MAP4K4: variants seen among roughly 807,000 people sequenced by gnomAD.
MAP4K4 encodes HPK/GCK-like kinase HGK.
Under a neutral mutation model 189.6 loss-of-function variants are expected in MAP4K4, and 38 were observed. The ratio of observed to expected loss-of-function variants is 0.20; its 90% CI spans 0.15 to 0.26. MAP4K4 has a LOEUF of 0.26. MAP4K4 is among the 10% of genes least tolerant of loss of function. MAP4K4 has a pLI of 1.00. For missense variants in MAP4K4, 1,054 were observed against 1,726.9 expected (o/e 0.61, Z 6.91); for synonymous variants, 610 against 624.3 (o/e 0.98, Z 0.34).
At chr2:101,870,536 G>T (rs1217012907) in intron 23 of MAP4K4, 121 bp downstream of exon 23, 38 of 1,396,542 alleles carry the variant, frequency 2.7e-5, no homozygotes, top group Non-Finnish European at 3.6e-5. Flanking sequence ...ACAAGTCCCA[G>T]AGGGTCAAGT....
At chr2:101,868,597 C>T (rs1460565270) in intron 21 of MAP4K4, among the ~76,000 whole-genome samples, 1 of 152,126 alleles carries the variant, frequency 6.6e-6, no homozygotes, top group East Asian at 1.9e-4. Context: ...TGAACAAATT[C>T]CACTATTGAT....
intron 2 of MAP4K4, among the ~76,000 whole-genome samples, chr2:101,727,028 C>G (rs1367013888): frequency 1.3e-5 from 2 of 152,124 alleles, no homozygotes; most frequent in African/African-American, 4.8e-5. Flanking sequence ...CAGTCCCACT[C>G]CCATGATAAC....
chr2:101,813,195 A>T (rs966891023), intron 3 of MAP4K4, among the ~76,000 whole-genome samples: 39 of 152,212 alleles, frequency 2.6e-4, no homozygotes, highest in African/African-American at 8.4e-4. Flanking sequence ...AGGTTTATGT[A>T]ATGGAAACAC....
intron 26 of MAP4K4, among the ~76,000 whole-genome samples, chr2:101,875,913 G>C (rs2098189544): frequency 6.6e-6 from 1 of 152,208 alleles, no homozygotes; most frequent in Admixed American, 6.5e-5. Context: ...CATGACGTGA[G>C]TATTTTAGCA....
chr2:101,740,161 T>TCCCCTCAATCATCATAA (rs1353029035), intron 2 of MAP4K4, among the ~76,000 whole-genome samples: 1 of 115,044 alleles, frequency 8.7e-6, no homozygotes, highest in African/African-American at 6.6e-5. Context: ...CTTTTTTTTT[T>TCCCCTCAATCATCATAA]TTTTTTTTTT....
intron 2 of MAP4K4, among the ~76,000 whole-genome samples, chr2:101,703,507 A>G (rs2040216476): frequency 6.6e-6 from 1 of 150,684 alleles, no homozygotes; most frequent in African/African-American, 2.4e-5. Context: ...AATCCCAGCC[A>G]CTTGGGAGGC....
intron 2 of MAP4K4, among the ~76,000 whole-genome samples, chr2:101,751,179 A>G (rs1275532787): frequency 1.3e-5 from 2 of 152,230 alleles, no homozygotes; most frequent in Non-Finnish European, 2.9e-5. Flanking sequence ...TCAGTGTTCA[A>G]CAGTTGTACA....
At chr2:101,786,984 A>C (rs960837849) in intron 2 of MAP4K4, among the ~76,000 whole-genome samples, 4 of 152,244 alleles carry the variant, frequency 2.6e-5, no homozygotes, top group African/African-American at 9.6e-5. Flanking sequence ...TGGATGAGAT[A>C]CTGTGCCCAA....
exon 28 of MAP4K4, chr2:101,882,591 A>G (rs746482177): frequency 6.2e-7 from 1 of 1,607,628 alleles, no homozygotes; most frequent in Admixed American, 1.7e-5. Context: ...TGTCCTGGTT[A>G]AGAAATAAAA....
rs564161739 is a variant in MAP4K4 at position 101,760,503 on chromosome 2, A to T, written c.124-30217A>T. On this transcript the variant is annotated intron_variant, in intron 2 of 32. Transcript: ENST00000324219. ...ACTCCATCTCAAAAAAAAAAAACAA[A>T]ATATATATATATATATATATGTATA... Among the ~76,000 whole-genome samples the T allele has an allele frequency of 9.8e-4, 131 of 133,140 alleles. 1 individual carries two copies. The South Asian group carries it at 0.015, about 15-fold the overall frequency. 87.3% of individuals were successfully genotyped at this position (133,140 alleles called of 152,430 possible).
At chr2:101,801,175 C>T (rs1335404871) in intron 3 of MAP4K4, among the ~76,000 whole-genome samples, 1 of 152,122 alleles carries the variant, frequency 6.6e-6, no homozygotes, top group Non-Finnish European at 1.5e-5. Context: ...TTTATCTTGA[C>T]ACTTCCCATT....
chr2:101,776,720 G>T (rs61105235), intron 2 of MAP4K4, among the ~76,000 whole-genome samples: 2,076 of 152,050 alleles, frequency 0.014, 51 homozygotes, highest in African/African-American at 0.047. Flanking sequence ...AGAGCCAATT[G>T]CCTTAATCAG....
At chr2:101,753,414 A>G (rs1297461678) in intron 2 of MAP4K4, among the ~76,000 whole-genome samples, 2 of 152,244 alleles carry the variant, frequency 1.3e-5, no homozygotes, top group Admixed American at 1.3e-4. Context: ...GAACATAAAC[A>G]TTCTCATTGT....
rs572308732 is a variant in MAP4K4 at position 101,795,323 on chromosome 2, G to A, written c.180+4547G>A. ...TATTATTGCAAAATGATGATTTTAC[G>A]TTCTTCCTTTTGTATTTATTAGTCA... On this transcript the variant is annotated intron_variant, in intron 3 of 32. Coordinates refer to ENST00000324219, the Ensembl canonical transcript of MAP4K4. Among the ~76,000 whole-genome samples the A allele has an allele frequency of 1.5e-4, 23 of 152,228 alleles. No homozygotes were observed. The South Asian group carries it at 4.4e-3, about 29-fold the overall frequency.
rs149283961 is a variant in MAP4K4 at position 101,729,101 on chromosome 2, A to AGAGAGAGT, written c.123+30564_123+30565insAGAGAGTG. On this transcript the variant is annotated intron_variant, in intron 2 of 32. Transcript: ENST00000324219. The stretch of plus-strand genomic sequence containing the variant: ...AGGAGAGAGAGAGAGAGAGAGAGAG[A>AGAGAGAGT]GTGTGTGTGTGTGTGTGTGTGTGTG... Among the ~76,000 whole-genome samples, 1,257 of 130,546 alleles carry AGAGAGAGT rather than the reference A, an allele frequency of 9.6e-3. 27 individuals carry two copies. Among genetic ancestry groups the AGAGAGAGT allele is most frequent in the African/African-American group, 0.037 (1,174 of 32,154 alleles). The allele number at this position is 130,546 out of a possible 152,430, so 85.6% of individuals were successfully genotyped here. A position where few individuals can be genotyped will look rare whatever the true frequency, so the allele number is the denominator to read the frequency against.
intron 2 of MAP4K4, among the ~76,000 whole-genome samples, chr2:101,732,366 G>A (rs1355564795): frequency 6.6e-6 from 1 of 152,152 alleles, no homozygotes; most frequent in Admixed American, 6.5e-5. Flanking sequence ...CAGAGAAAGT[G>A]GTTTTACCAT....
intron 15 of MAP4K4, 45 bp from the exon 16 acceptor site, chr2:101,860,780 T>C: frequency 3.4e-6 from 5 of 1,476,744 alleles, no homozygotes; most frequent in Non-Finnish European, 4.6e-6. Context: ...ATTTCTGCTT[T>C]TCCCCTACTA....
At chr2:101,780,223 T>C (rs1012713189) in intron 2 of MAP4K4, among the ~76,000 whole-genome samples, 1 of 152,180 alleles carries the variant, frequency 6.6e-6, no homozygotes, top group African/African-American at 2.4e-5. Flanking sequence ...GGACCATGGG[T>C]GGATGAGGAG....
intron 2 of MAP4K4, among the ~76,000 whole-genome samples, chr2:101,758,354 CTGTT>C (rs2074003740): frequency 6.6e-6 from 1 of 152,158 alleles, no homozygotes. Flanking sequence ...GTGTTACTCT[CTGTT>C]TGGCAGTATA....
Sources: allele counts gnomAD v4.1 joint callset (sites outside exome capture counted in the v4.1 genomes callset), GRCh38; gene constraint gnomAD v4.1.1; transcripts MANE v1.5; gene names NCBI Gene and HGNC (gene_info 2026-07-23, HGNC 2026-07-21).